FAT3: variants seen among roughly 807,000 people sequenced by gnomAD.
FAT3 encodes protocadherin Fat 3.
In FAT3, 95 loss-of-function variants were observed where a neutral mutation model predicts 310.2. The ratio of observed to expected loss-of-function variants is 0.31; its 90% confidence interval spans 0.26 to 0.36. The LOEUF (loss-of-function observed/expected upper bound fraction) is 0.36. Ranked by LOEUF, FAT3 falls within the 10% of genes least tolerant of loss-of-function variation. FAT3 has a pLI of 1.00. For missense variants in FAT3, 5,408 were observed against 5,715.6 expected (o/e 0.95, Z 1.74); for synonymous variants, 2,314 against 2,192.9 (o/e 1.06, Z -1.54).
chr11:92,544,508 TAAAC>T (rs56274889), intron 3 of FAT3, among the ~76,000 whole-genome samples: 53,962 of 151,760 alleles, frequency 0.36, 10,271 homozygotes, highest in Non-Finnish European at 0.44. Context: ...TAAATATAAA[TAAAC>T]AAACAGAAGC....
chr11:92,579,906 A>G (rs11020013), intron 3 of FAT3, among the ~76,000 whole-genome samples: 53,667 of 151,922 alleles, frequency 0.35, 10,398 homozygotes, highest in Non-Finnish European at 0.45. Flanking sequence ...CAGTAATTAT[A>G]TACTCTCTGA....
chr11:92,224,980 C>CCGGCGG lies in FAT3; in HGVS notation c.-197_-192dup, dbSNP rs750252211. Among the ~76,000 whole-genome samples the CCGGCGG allele has an allele frequency of 3.3e-5, 5 of 152,162 alleles. No homozygotes were observed. The highest frequency in any genetic ancestry group is 2.1e-4 in the South Asian group (1 of 4,824). The stretch of plus-strand genomic sequence containing the variant: ...GCTCCCCTCCTCCGCTTGCGAACCC[C>CCGGCGG]CGGCGGCGGCGGCGGCGGCGTCCCG... On this transcript the variant is annotated 5_prime_UTR_variant, in exon 1 of 28. Coordinates refer to ENST00000525166, the MANE Select transcript of FAT3 (RefSeq NM_001367949.2).
At chr11:92,533,541 T>C (rs925284637) in intron 3 of FAT3, among the ~76,000 whole-genome samples, 6 of 152,182 alleles carry the variant, frequency 3.9e-5, no homozygotes, top group Non-Finnish European at 5.9e-5. Flanking sequence ...AAATGATTGC[T>C]CGATGCTGTT....
chr11:92,343,786 G>A (rs1033309947), intron 1 of FAT3, among the ~76,000 whole-genome samples: 2 of 152,150 alleles, frequency 1.3e-5, no homozygotes, highest in Non-Finnish European at 2.9e-5. Context: ...GTTAACATGA[G>A]AATTTGTACC....
intron 2 of FAT3, among the ~76,000 whole-genome samples, chr11:92,499,723 A>ATGTGTGTGTGTGTATGTGTGTG (rs376710960): frequency 1.0e-3 from 133 of 127,824 alleles, no homozygotes; most frequent in African/African-American, 3.3e-3. Context: ...ATGTGTGTGT[A>ATGTGTGTGTGTGTATGTGTGTG]TGTGTGTGTG....
intron 18 of FAT3, among the ~76,000 whole-genome samples, chr11:92,842,589 C>T (rs1948580004): frequency 6.6e-6 from 1 of 152,192 alleles, no homozygotes; most frequent in African/African-American, 2.4e-5. Flanking sequence ...AAAATAACAA[C>T]AGATGGACAC....
intron 1 of FAT3, among the ~76,000 whole-genome samples, chr11:92,275,546 CCTTA>C (rs1180740650): frequency 6.6e-6 from 1 of 151,898 alleles, no homozygotes; most frequent in Admixed American, 6.6e-5. Context: ...GAATCTGTTT[CCTTA>C]CTTTCTTTCA....
intron 4 of FAT3, among the ~76,000 whole-genome samples, chr11:92,720,421 G>A (rs1426783029): frequency 6.6e-6 from 1 of 152,104 alleles, no homozygotes; most frequent in African/African-American, 2.4e-5. Context: ...TTTTCTCAGG[G>A]AATAGATGGA....
intron 1 of FAT3, among the ~76,000 whole-genome samples, chr11:92,346,418 T>G (rs532241529): frequency 2.0e-5 from 3 of 152,206 alleles, no homozygotes; most frequent in South Asian, 2.1e-4. Context: ...GGCAATAGCT[T>G]TTGGCCATGT....
chr11:92,674,988 C>T lies in FAT3; in HGVS notation c.3608-22396C>T, dbSNP rs150478028. ...CTGCTAGGTTTTATTCCTTGTTCCT[C>T]CTCTGAAATTGATCTTCCTCTGTCT... On this transcript the variant is annotated intron_variant, in intron 3 of 27. Transcript: ENST00000525166. 3.0e-3 allele frequency among the ~76,000 whole-genome samples: 459 copies of T among 152,230 alleles called. 1 individual carries two copies. Among genetic ancestry groups the T allele is most frequent in the African/African-American group, 0.01 (433 of 41,536 alleles).
intron 2 of FAT3, among the ~76,000 whole-genome samples, chr11:92,432,860 T>G (rs1950824661): frequency 6.6e-6 from 1 of 152,164 alleles, no homozygotes; most frequent in African/African-American, 2.4e-5. Flanking sequence ...AGGTGCTCTG[T>G]CCCAGGGAGA....
chr11:92,766,389 G>A (rs1226574975), intron 6 of FAT3, among the ~76,000 whole-genome samples: 3 of 152,188 alleles, frequency 2.0e-5, no homozygotes, highest in Non-Finnish European at 4.4e-5. Context: ...CTTCCCCATG[G>A]CACTGCCTGG....
At chr11:92,874,069 T>A (rs913872097) in intron 22 of FAT3, among the ~76,000 whole-genome samples, 1 of 152,214 alleles carries the variant, frequency 6.6e-6, no homozygotes, top group Non-Finnish European at 1.5e-5. Flanking sequence ...ATTTTTCACA[T>A]CACATAAGCT....
intron 2 of FAT3, among the ~76,000 whole-genome samples, chr11:92,387,134 G>T (rs1351654838): frequency 6.6e-6 from 1 of 151,578 alleles, no homozygotes; most frequent in Non-Finnish European, 1.5e-5. Context: ...GAACGTCAGA[G>T]CGTCCTTTCC....
intron 4 of FAT3, among the ~76,000 whole-genome samples, chr11:92,742,261 G>T (rs752694364): frequency 6.6e-6 from 1 of 152,232 alleles, no homozygotes; most frequent in Non-Finnish European, 1.5e-5. Flanking sequence ...TGGTCTCTGA[G>T]AAGGCATCAT....
intron 6 of FAT3, among the ~76,000 whole-genome samples, chr11:92,767,122 G>A (rs1037229004): frequency 7.9e-5 from 12 of 152,022 alleles, no homozygotes; most frequent in Admixed American, 1.3e-4. Flanking sequence ...GATGGCGGGC[G>A]CCTGTAATCC....
At chr11:92,833,085 G>A (rs564202264) in intron 14 of FAT3, among the ~76,000 whole-genome samples, 1 of 152,172 alleles carries the variant, frequency 6.6e-6, no homozygotes, top group South Asian at 2.1e-4. Context: ...AGTATTAGAC[G>A]TGCTTCAGGC....
Position 92,353,236 on chromosome 11 carries a change from G to C in FAT3, c.1124G>C (p.Arg375Thr), listed in dbSNP as rs753536137. 46 of 1,613,730 alleles carry C rather than the reference G, an allele frequency of 2.9e-5. No homozygotes were observed. The highest frequency in any genetic ancestry group is 1.8e-4 in the South Asian group (16 of 91,048). Reference protein sequence around the residue: ...GNPTRDTVPIRFEKEVYDVSI... With the variant: ...GNPTRDTVPITFEKEVYDVSI... ...CCCACAAGAGACACTGTCCCCATTA[G>C]ATTTGAAAAAGAAGTGTACGATGTG... The change falls in exon 2 of 28, where the codon AGA becomes ACA. Residue 375 changes from arginine to threonine, a missense_variant. By Grantham distance (71) the Arg-to-Thr change is moderately conservative. Coordinates refer to ENST00000525166, the MANE Select transcript of FAT3 (RefSeq NM_001367949.2).
chr11:92,485,116 A>G (rs1200523792), intron 2 of FAT3, among the ~76,000 whole-genome samples: 1 of 152,252 alleles, frequency 6.6e-6, no homozygotes, highest in Non-Finnish European at 1.5e-5. Context: ...CTTCAAATCA[A>G]ACAGTTCTAC....
Sources: allele counts gnomAD v4.1 joint callset (sites outside exome capture counted in the v4.1 genomes callset), GRCh38; gene constraint gnomAD v4.1.1; transcripts MANE v1.5; gene names NCBI Gene and HGNC (gene_info 2026-07-23, HGNC 2026-07-21).